BTBD2: variants seen among roughly 807,000 people sequenced by gnomAD.
BTBD2 encodes BTB/POZ domain-containing protein 2.
BTBD2 carries 15 observed loss-of-function variants against 44.0 expected under a neutral mutation model. That is an observed-to-expected ratio of 0.34 (90% CI 0.23 to 0.53). The LOEUF (loss-of-function observed/expected upper bound fraction) is 0.53, where lower values mean the gene tolerates loss of function less well. BTBD2 is among the 20% of genes least tolerant of loss of function. BTBD2 has a pLI of 0.95. For missense variants in BTBD2, 657 were observed against 746.4 expected, an observed-to-expected ratio of 0.88 and a Z score of 1.39; for synonymous variants, 443 against 335.9, an observed-to-expected ratio of 1.32 and a Z score of -3.49.
In BTBD2 at chr19:1,990,258, G is replaced by GCCC. The variant is rs2016155894; in HGVS notation, c.791-58_791-57insGGG. On this transcript the variant is annotated intron_variant, in intron 4 of 8. Transcript: ENST00000255608. Reference sequence around the variant, plus strand: ...CGACACCCACATGCCCACCCTGCAGGAGGCAGTGAGACTAACGTGAGGACC... The same window carrying GCCC: ...CGACACCCACATGCCCACCCTGCAGGCCCAGGCAGTGAGACTAACGTGAGGACC... 1.7e-5 allele frequency: 26 copies of GCCC among 1,529,842 alleles called. No individual in the cohort carries two copies. The East Asian group carries it at 6.1e-4, about 36-fold the overall frequency. 94.8% of individuals were successfully genotyped at this position (1,529,842 alleles called of 1,614,324 possible).
chr19:1,993,229 G>A (rs1568216495), intron 2 of BTBD2, 53 bp from the exon 3 acceptor site: 7 of 1,556,610 alleles, frequency 4.5e-6, no homozygotes, highest in Non-Finnish European at 5.2e-6. Flanking sequence ...CCCGCCCCCA[G>A]GGGAGAGCGT....
intron 1 of BTBD2, among the ~76,000 whole-genome samples, chr19:2,001,801 A>T (rs1220045792): frequency 6.6e-6 from 1 of 151,754 alleles, no homozygotes; most frequent in Admixed American, 6.6e-5. Flanking sequence ...GCAGTGGCGC[A>T]ATCTTGGCTC....
intron 1 of BTBD2, among the ~76,000 whole-genome samples, chr19:2,011,444 G>T (rs562853888): frequency 6.6e-6 from 1 of 152,212 alleles, no homozygotes; most frequent in South Asian, 2.1e-4. Flanking sequence ...CACTCCTCCT[G>T]CTCCGGCCTT....
At chr19:1,987,101 T>TCCATGGAGGTGGAGAGAGGA in intron 7 of BTBD2, 65 bp downstream of exon 7, 2 of 1,597,752 alleles carry the variant, frequency 1.3e-6, no homozygotes, top group Admixed American at 3.3e-5. Context: ...CAGCCAGGGT[T>TCCATGGAGGTGGAGAGAGGA]CCATGGAGGT....
At chr19:2,001,717 T>C (rs2016332774) in intron 1 of BTBD2, among the ~76,000 whole-genome samples, 1 of 152,178 alleles carries the variant, frequency 6.6e-6, no homozygotes, top group African/African-American at 2.4e-5. Flanking sequence ...GTGAACCTCT[T>C]CATCTGGCTG....
At position 1,990,800 on chromosome 19, in the gene BTBD2, T is replaced by G. The variant is rs1413156333; in HGVS notation, c.707A>C (p.Gln236Pro). 6.3e-7 allele frequency: 1 copy of G among 1,584,258 alleles called. No individual in the cohort carries two copies. The highest frequency in any genetic ancestry group is 1.4e-5 in the African/African-American group (1 of 74,052). The change falls in exon 4 of 9, where the codon CAG becomes CCG. Residue 236 changes from glutamine (Q) to proline (P), a missense_variant. Gln to Pro is a moderately conservative substitution (Grantham distance 76). Coordinates refer to ENST00000255608, the MANE Select transcript of BTBD2 (RefSeq NM_017797.4). ...LTQARLFDEP[Q>P]LASLCLENID... Reference sequence around the variant, plus strand: ...GTTCTCCAGGCACAGGCTGGCCAGCTGCGGTTCATCGAAGAGTCGCGCCTG... The same window carrying G: ...GTTCTCCAGGCACAGGCTGGCCAGCGGCGGTTCATCGAAGAGTCGCGCCTG...
At chr19:2,009,719 G>A (rs944565105) in intron 1 of BTBD2, among the ~76,000 whole-genome samples, 5 of 151,844 alleles carry the variant, frequency 3.3e-5, no homozygotes, top group African/African-American at 4.8e-5. Context: ...GCGTGGTGGC[G>A]CACACCTGTA....
chr19:1,990,377 G>GC, intron 4 of BTBD2, 176 bp from the exon 5 acceptor site: 1 of 685,828 alleles, frequency 1.5e-6, no homozygotes, highest in South Asian at 1.9e-5. Context: ...ACAAGACCAC[G>GC]CCCCTTCATT....
intron 1 of BTBD2, among the ~76,000 whole-genome samples, chr19:2,002,113 ACT>A: frequency 6.7e-6 from 1 of 149,678 alleles, no homozygotes; most frequent in Non-Finnish European, 1.5e-5. Flanking sequence ...GTGTGGTCTC[ACT>A]CTGTCACCCA....
intron 5 of BTBD2, among the ~76,000 whole-genome samples, chr19:1,989,135 C>T (rs1440490525): frequency 6.6e-6 from 1 of 152,170 alleles, no homozygotes; most frequent in Non-Finnish European, 1.5e-5. Flanking sequence ...GGCCCATGTC[C>T]ATAATCCCAG....
chr19:2,009,849 C>CA (rs757160647), intron 1 of BTBD2, among the ~76,000 whole-genome samples: 250 of 145,762 alleles, frequency 1.7e-3, no homozygotes, highest in African/African-American at 6.2e-3. Context: ...GATTCTGTCT[C>CA]AAAAAAACAA....
intron 5 of BTBD2, chr19:1,988,096 C>G (rs936723663): frequency 5.6e-6 from 1 of 178,366 alleles, no homozygotes; most frequent in Admixed American, 5.6e-5. Context: ...TAGGCCTGTA[C>G]CCCCCAGGCT....
chr19:1,999,681 C>T (rs2016300145), intron 1 of BTBD2, among the ~76,000 whole-genome samples: 1 of 150,878 alleles, frequency 6.6e-6, no homozygotes, highest in East Asian at 1.9e-4. Flanking sequence ...AAAAAAAAGG[C>T]CAGGTGCAGT....
intron 1 of BTBD2, among the ~76,000 whole-genome samples, chr19:2,012,777 C>A (rs1429247899): frequency 6.6e-6 from 1 of 152,220 alleles, no homozygotes; most frequent in Non-Finnish European, 1.5e-5. Flanking sequence ...CTGCCTCCAT[C>A]TTCCCCACTT....
intron 1 of BTBD2, among the ~76,000 whole-genome samples, chr19:2,006,918 C>T (rs147619031): frequency 1.2e-4 from 18 of 152,142 alleles, no homozygotes; most frequent in Admixed American, 9.2e-4. Context: ...AGTGCAGTGA[C>T]GCGATCTCGG....
chr19:2,002,910 G>C (rs2016348852), intron 1 of BTBD2: 1 of 149,836 alleles, frequency 6.7e-6, no homozygotes, highest in Admixed American at 6.7e-5. Flanking sequence ...AAAAATTGTA[G>C]TATGCCCAGT....
intron 1 of BTBD2, among the ~76,000 whole-genome samples, chr19:2,014,976 C>G (rs540631412): frequency 1.7e-4 from 25 of 147,830 alleles, no homozygotes; most frequent in African/African-American, 6.3e-4. Flanking sequence ...GTGCAGAGCC[C>G]AGGGAACTGG....
At chr19:2,011,685 C>T (rs1487380211) in intron 1 of BTBD2, among the ~76,000 whole-genome samples, 1 of 152,116 alleles carries the variant, frequency 6.6e-6, no homozygotes, top group Non-Finnish European at 1.5e-5. Flanking sequence ...TCAATAAAGG[C>T]TGCCCCAACG....
chr19:1,991,566 G>A (rs2016179149), intron 3 of BTBD2, among the ~76,000 whole-genome samples: 1 of 152,198 alleles, frequency 6.6e-6, no homozygotes, highest in South Asian at 2.1e-4. Flanking sequence ...AGATGACCCG[G>A]ACAAGAAACC....
Sources: gnomAD v4.1 joint callset for allele counts (sites outside exome capture counted in the v4.1 genomes callset) on GRCh38, gnomAD v4.1.1 for gene constraint, MANE v1.5 for transcripts, NCBI Gene and HGNC (gene_info 2026-07-23, HGNC 2026-07-21) for gene names.